MSI2: variants seen among roughly 807,000 people sequenced by gnomAD.
The protein encoded by MSI2 is musashi RNA binding protein 2.
Under a neutral mutation model 45.6 loss-of-function variants are expected in MSI2, and 17 were observed. The ratio of observed to expected loss-of-function variants is 0.37; its 90% confidence interval spans 0.26 to 0.56. MSI2 has a LOEUF of 0.56. Among genes scored for constraint, MSI2 ranks in the 20% least tolerant of loss-of-function variants. The probability of loss-of-function intolerance (pLI) is 0.77; values close to 1 mark genes in which losing one functional copy is unlikely to be tolerated. For synonymous variants in MSI2, 156 were observed against 158.2 expected, an observed-to-expected ratio of 0.99 and a Z score of 0.11; for missense variants, 293 against 444.2, an observed-to-expected ratio of 0.66 and a Z score of 3.06.
chr17:57,608,836 G>A (rs907184346), intron 8 of MSI2, among the ~76,000 whole-genome samples: 1 of 152,164 alleles, frequency 6.6e-6, no homozygotes, highest in African/African-American at 2.4e-5. Flanking sequence ...GGGTCTCCCC[G>A]AATCTTGATT....
At chr17:57,446,412 C>G (rs2084901883) in intron 6 of MSI2, among the ~76,000 whole-genome samples, 1 of 152,160 alleles carries the variant, frequency 6.6e-6, no homozygotes, top group Non-Finnish European at 1.5e-5. Flanking sequence ...TCGCAGTGCC[C>G]TAAGAAGCTA....
chr17:57,306,617 C>A (rs1911927854), intron 5 of MSI2, among the ~76,000 whole-genome samples: 1 of 152,224 alleles, frequency 6.6e-6, no homozygotes, highest in Admixed American at 6.5e-5. Context: ...TGTCACCCCT[C>A]CTGTTCCCAG....
At chr17:57,372,380 A>G (rs1180961087) in intron 5 of MSI2, among the ~76,000 whole-genome samples, 1 of 152,244 alleles carries the variant, frequency 6.6e-6, no homozygotes, top group Non-Finnish European at 1.5e-5. Context: ...AACCGCCACC[A>G]CAGATGTGGG....
At chr17:57,442,112 C>T (rs1373021266) in intron 6 of MSI2, among the ~76,000 whole-genome samples, 9 of 151,630 alleles carry the variant, frequency 5.9e-5, no homozygotes, top group African/African-American at 2.2e-4. Flanking sequence ...TCTCGGCTCA[C>T]TGGGTCCTCC....
intron 5 of MSI2, among the ~76,000 whole-genome samples, chr17:57,380,979 T>C (rs2083588496): frequency 6.6e-6 from 1 of 152,140 alleles, no homozygotes; most frequent in Middle Eastern, 3.2e-3. Flanking sequence ...GACCCCCATC[T>C]TACACATACC....
At chr17:57,289,449 A>G (rs1419017811) in intron 5 of MSI2, among the ~76,000 whole-genome samples, 1 of 151,432 alleles carries the variant, frequency 6.6e-6, no homozygotes, top group East Asian at 2.0e-4. Flanking sequence ...GCTTTTCTGC[A>G]TGCACTGAAT....
At chr17:57,496,249 G>T (rs977211372) in intron 6 of MSI2, among the ~76,000 whole-genome samples, 1 of 152,156 alleles carries the variant, frequency 6.6e-6, no homozygotes, top group African/African-American at 2.4e-5. Flanking sequence ...TACACTTAGC[G>T]CCACGCCAGC....
intron 8 of MSI2, among the ~76,000 whole-genome samples, chr17:57,599,577 G>T (rs762633988): frequency 4.6e-5 from 7 of 152,230 alleles, no homozygotes; most frequent in Non-Finnish European, 1.0e-4. Context: ...CGGGTTTTTA[G>T]TGTAAGGGTT....
At chr17:57,436,790 A>T (rs1238370867) in intron 6 of MSI2, among the ~76,000 whole-genome samples, 1 of 152,208 alleles carries the variant, frequency 6.6e-6, no homozygotes, top group Non-Finnish European at 1.5e-5. Flanking sequence ...GGAGGGACTG[A>T]GGAGAGCATC....
At chr17:57,593,993 G>A (rs752910970) in intron 7 of MSI2, among the ~76,000 whole-genome samples, 13 of 152,252 alleles carry the variant, frequency 8.5e-5, no homozygotes, top group Admixed American at 4.6e-4. Context: ...GCTGGTAAAC[G>A]CAGAAGGAAG....
At chr17:57,363,547 G>A (rs1217518660) in intron 5 of MSI2, among the ~76,000 whole-genome samples, 1 of 152,314 alleles carries the variant, frequency 6.6e-6, no homozygotes, top group East Asian at 1.9e-4. Flanking sequence ...AGACCAGCAT[G>A]GCCAACACGG....
At chr17:57,399,872 C>A (rs1192901269) in intron 5 of MSI2, among the ~76,000 whole-genome samples, 1 of 152,322 alleles carries the variant, frequency 6.6e-6, no homozygotes, top group African/African-American at 2.4e-5. Flanking sequence ...TGCCCTACAG[C>A]ACAGCCTGCC....
chr17:57,541,352 A>T (rs2087042367), intron 7 of MSI2, among the ~76,000 whole-genome samples: 1 of 152,202 alleles, frequency 6.6e-6, no homozygotes, highest in African/African-American at 2.4e-5. Flanking sequence ...CAACTTGGCA[A>T]TTCAGGGAAA....
chr17:57,439,792 C>T (rs1189409180), intron 6 of MSI2, among the ~76,000 whole-genome samples: 1 of 152,142 alleles, frequency 6.6e-6, no homozygotes, highest in East Asian at 1.9e-4. Flanking sequence ...GGACTATTTC[C>T]TAAGAATCTG....
At chr17:57,431,936 A>C (rs2084602683) in intron 6 of MSI2, among the ~76,000 whole-genome samples, 1 of 152,202 alleles carries the variant, frequency 6.6e-6, no homozygotes, top group Non-Finnish European at 1.5e-5. Flanking sequence ...GCGGTGTGGA[A>C]TATGAAGAGA....
At chr17:57,667,005 C>G (rs1252124556) in intron 11 of MSI2, among the ~76,000 whole-genome samples, 2 of 152,214 alleles carry the variant, frequency 1.3e-5, no homozygotes, top group African/African-American at 4.8e-5. Flanking sequence ...AGCTCCCTGT[C>G]TATTTCCTGT....
chr17:57,640,271 C>T (rs1910150118), intron 10 of MSI2, among the ~76,000 whole-genome samples: 1 of 152,208 alleles, frequency 6.6e-6, no homozygotes, highest in Admixed American at 6.5e-5. Flanking sequence ...TCCGCAAGCC[C>T]TTGCCTCCTG....
intron 10 of MSI2, chr17:57,631,715 C>G: frequency 8.0e-7 from 1 of 1,256,234 alleles, no homozygotes; most frequent in Non-Finnish European, 1.2e-6. Flanking sequence ...ATCTCCCCTG[C>G]TTCCTCTCTT....
intron 5 of MSI2, among the ~76,000 whole-genome samples, chr17:57,381,181 C>T (rs910030644): frequency 2.0e-5 from 3 of 152,200 alleles, no homozygotes; most frequent in African/African-American, 7.2e-5. Flanking sequence ...GATCCTCCCA[C>T]CTCAGCCTCC....
Sources: allele counts gnomAD v4.1 joint callset (sites outside exome capture counted in the v4.1 genomes callset), GRCh38; gene constraint gnomAD v4.1.1; transcripts MANE v1.5; gene names NCBI Gene and HGNC (gene_info 2026-07-23, HGNC 2026-07-21).